Variants in SYT2 observed in about 807,000 individuals in gnomAD.
SYT2 encodes synaptotagmin-2.
Under a neutral mutation model 39.9 loss-of-function variants are expected in SYT2, and 15 were observed. The observed-to-expected ratio is 0.38, with a 90% CI of 0.25 to 0.58. The LOEUF is 0.58. Among genes scored for constraint, SYT2 ranks in the 20% least tolerant of loss-of-function variants. The pLI is 0.70. For synonymous variants in SYT2, 181 were observed against 204.5 expected (o/e 0.89, Z 0.98); for missense variants, 389 against 530.3 (o/e 0.73, Z 2.62).
At position 202,596,860 on chromosome 1, in the gene SYT2, C is replaced by T. The variant is rs1399437693; in HGVS notation, c.1157G>A (p.Arg386Gln). The change falls in exon 9 of 9, where the codon CGG becomes CAG. Residue 386 changes from arginine (R) to glutamine (Q), a missense_variant. Arg to Gln is a conservative substitution (Grantham distance 43). Coordinates refer to ENST00000367268, the MANE Select transcript of SYT2 (RefSeq NM_177402.5). ...VGSNATGTEL[R>Q]HWSDMLANPR... ...GTTGGCCAGCATGTCGGACCAGTGC[C>T]GCAGCTCTGTGCCCGTGGCATTGCT... is the stretch of plus-strand genomic sequence containing the variant. 25 of 1,614,068 alleles carry T rather than the reference C, an allele frequency of 1.5e-5. No individual in the cohort carries two copies. Among genetic ancestry groups the T allele is most frequent in the East Asian group, 1.3e-4 (6 of 44,886 alleles).
chr1:202,632,010 A>C, intron 1 of SYT2: 7 of 985,184 alleles, frequency 7.1e-6, no homozygotes, highest in Non-Finnish European at 8.4e-6. Flanking sequence ...GCTGCCAATT[A>C]TGTGAGGACC....
rs533571825 is a variant in SYT2 at position 202,593,372 on chromosome 1, G to C, written c.*3385C>G. On this transcript the variant is annotated 3_prime_UTR_variant, in exon 9 of 9. Coordinates refer to ENST00000367268, the MANE Select transcript of SYT2 (RefSeq NM_177402.5). ...ACTGCATGGAGGCAGGTTTATAAGA[G>C]AGCTGCTTTTACCCACAGGAGGGCT... The C allele has an allele frequency of 4.2e-4, 64 of 152,276 alleles. No homozygotes were observed. The highest frequency in any genetic ancestry group is 1.5e-3 in the African/African-American group (62 of 41,538). The allele number at this position is 152,276 out of a possible 1,614,324, so 9.4% of individuals were successfully genotyped here.
At chr1:202,664,212 G>A (rs1473986219) in intron 1 of SYT2, among the ~76,000 whole-genome samples, 2 of 152,084 alleles carry the variant, frequency 1.3e-5, no homozygotes, top group African/African-American at 2.4e-5. Context: ...CTTTCTAATA[G>A]TCCATGAGGC....
chr1:202,709,260 T>C (rs183770230), intron 1 of SYT2, among the ~76,000 whole-genome samples: 1 of 152,176 alleles, frequency 6.6e-6, no homozygotes, highest in African/African-American at 2.4e-5. Context: ...GCACCTACTC[T>C]GCCACCTCAG....
intron 8 of SYT2, among the ~76,000 whole-genome samples, chr1:202,598,918 A>T (rs945454912): frequency 6.6e-6 from 1 of 152,170 alleles, no homozygotes; most frequent in African/African-American, 2.4e-5. Context: ...GCCAGCTCCC[A>T]ACCCCTCTGG....
At chr1:202,675,436 A>G (rs1022089106) in intron 1 of SYT2, among the ~76,000 whole-genome samples, 12 of 151,364 alleles carry the variant, frequency 7.9e-5, no homozygotes, top group Admixed American at 7.9e-4. Flanking sequence ...CTATTAATGC[A>G]AAGCATAGAC....
chr1:202,643,095 C>CTACCTACTCTTAGTT (rs1691967449), intron 1 of SYT2, among the ~76,000 whole-genome samples: 1 of 152,252 alleles, frequency 6.6e-6, no homozygotes. Flanking sequence ...GGGCTCAGTC[C>CTACCTACTCTTAGTT]TACCTACTCT....
At position 202,599,186 on chromosome 1, in the gene SYT2, G is replaced by A. The variant is rs776007671; in HGVS notation, c.1053+32C>T. 2.5e-6 allele frequency: 4 copies of A among 1,611,040 alleles called. No individual in the cohort carries two copies. Among genetic ancestry groups the A allele is most frequent in the Non-Finnish European group, 3.4e-6 (4 of 1,178,902 alleles). ...ATACATGTTTGCCTCCCCAAACCCT[G>A]CTCCATGCCTAGGAACCCAGGGCTC... On this transcript the variant is annotated intron_variant, in intron 8 of 8. Transcript: ENST00000367268. The surrounding 1 kb of genome is among the most constrained non-coding windows in gnomAD (Gnocchi z 4.4).
At chr1:202,659,863 G>A (rs1378479312) in intron 1 of SYT2, among the ~76,000 whole-genome samples, 3 of 152,192 alleles carry the variant, frequency 2.0e-5, no homozygotes, top group Non-Finnish European at 4.4e-5. Context: ...TAAGTTGGGG[G>A]TGAGGGGTGG....
In SYT2 at chr1:202,605,580, A is replaced by T. The variant is rs765251113; in HGVS notation, c.178+15T>A. ...CTAGCCTTGCCCCACCCTCTCAGCCACCAGAGACACTCACAGGGAATCTTG... is the reference window on the plus strand; with the variant it reads ...CTAGCCTTGCCCCACCCTCTCAGCCTCCAGAGACACTCACAGGGAATCTTG... On this transcript the variant is annotated intron_variant, in intron 2 of 8. Coordinates refer to ENST00000367268, the MANE Select transcript of SYT2 (RefSeq NM_177402.5). 1 of 1,609,998 alleles carries T rather than the reference A, an allele frequency of 6.2e-7. No individual in the cohort carries two copies. The highest frequency in any genetic ancestry group is 1.1e-5 in the South Asian group (1 of 90,946).
In SYT2 at chr1:202,601,497, G is replaced by C. The variant is rs1056613929; in HGVS notation, c.801+393C>G. 2.0e-5 allele frequency among the ~76,000 whole-genome samples: 3 copies of C among 152,232 alleles called. No homozygotes were observed. Among genetic ancestry groups the C allele is most frequent in the Non-Finnish European group, 4.4e-5 (3 of 68,042 alleles). ...CAGTTCTGGGAGGACAAGTCCCTTTGCTGAGTATCCTTTAGAACAAACATG... is the reference window on the plus strand; with the variant it reads ...CAGTTCTGGGAGGACAAGTCCCTTTCCTGAGTATCCTTTAGAACAAACATG... On this transcript the variant is annotated intron_variant, in intron 6 of 8. Coordinates refer to ENST00000367268, the MANE Select transcript of SYT2 (RefSeq NM_177402.5). The surrounding 1 kb of genome is among the most constrained non-coding windows in gnomAD (Gnocchi z 4.0).
intron 1 of SYT2, among the ~76,000 whole-genome samples, chr1:202,700,849 A>T (rs902125113): frequency 6.6e-6 from 1 of 152,194 alleles, no homozygotes; most frequent in Non-Finnish European, 1.5e-5. Flanking sequence ...GCCTTTTCAG[A>T]TCATTGTGGA....
intron 1 of SYT2, among the ~76,000 whole-genome samples, chr1:202,696,542 T>C (rs191374121): frequency 7.2e-5 from 11 of 152,380 alleles, no homozygotes; most frequent in African/African-American, 2.6e-4. Flanking sequence ...TCCCTCTGCC[T>C]GTAAGAGGCA....
chr1:202,604,292 C>G (rs1433390487), intron 3 of SYT2, 163 bp downstream of exon 3: 1 of 691,908 alleles, frequency 1.4e-6, no homozygotes, highest in Admixed American at 2.4e-5. Flanking sequence ...CCAGGGGCCT[C>G]CAGGTAGACG....
chr1:202,638,650 T>G (rs914883403), intron 1 of SYT2, among the ~76,000 whole-genome samples: 2 of 152,212 alleles, frequency 1.3e-5, no homozygotes, highest in Non-Finnish European at 2.9e-5. Flanking sequence ...AAGGGTTATT[T>G]AATGCGGAAA....
intron 1 of SYT2, among the ~76,000 whole-genome samples, chr1:202,655,335 G>A (rs1432967110): frequency 6.6e-6 from 1 of 152,128 alleles, no homozygotes; most frequent in East Asian, 1.9e-4. Context: ...TAGCAGACTT[G>A]AAACATACCT....
rs376734148 is a variant in SYT2, at chr1:202,702,877, T to G, written c.-18+7381A>C. Among the ~76,000 whole-genome samples, 6 of 152,340 alleles carry G rather than the reference T, an allele frequency of 3.9e-5. No homozygotes were observed. The East Asian group carries it at 9.6e-4, about 24-fold the overall frequency. On this transcript the variant is annotated intron_variant, in intron 1 of 8. Transcript: ENST00000367268. ...AAGACAAGGACAGTCCTCAGAGACC[T>G]CTACCACCCTCAGCCCAAGCCCCTC...
At chr1:202,632,582 A>G (rs1355013184) in intron 1 of SYT2, 35 of 985,254 alleles carry the variant, frequency 3.6e-5, no homozygotes, top group Non-Finnish European at 3.7e-5. Context: ...CTAAGCCCAG[A>G]GGAGGGTGTT....
At chr1:202,625,934 CTGTGTA>C (rs375198940) in intron 1 of SYT2, among the ~76,000 whole-genome samples, 19 of 152,274 alleles carry the variant, frequency 1.2e-4, no homozygotes, top group South Asian at 4.1e-4. Context: ...GCCAGAAAGG[CTGTGTA>C]TGTGTATGTG....
Sources: allele counts gnomAD v4.1 joint callset (sites outside exome capture counted in the v4.1 genomes callset), GRCh38; gene constraint gnomAD v4.1.1; non-coding constraint Gnocchi (gnomAD v3.1); transcripts MANE v1.5; gene names NCBI Gene and HGNC (gene_info 2026-07-23, HGNC 2026-07-21).